Variants in SLC4A4 observed in about 807,000 individuals in gnomAD.
SLC4A4 encodes the protein electrogenic sodium bicarbonate cotransporter 1.
SLC4A4 carries 27 observed loss-of-function variants against 111.5 expected under a neutral mutation model. That is an observed-to-expected ratio of 0.24 (90% CI 0.18 to 0.33). The LOEUF (loss-of-function observed/expected upper bound fraction) is 0.33, where lower values mean the gene tolerates loss of function less well. Ranked by LOEUF, SLC4A4 falls within the 10% of genes least tolerant of loss-of-function variation. The pLI, the probability that SLC4A4 is intolerant of heterozygous loss-of-function variation, is 1.00. For missense variants in SLC4A4, 909 were observed against 1,315.5 expected, an observed-to-expected ratio of 0.69 and a Z score of 4.78; for synonymous variants, 443 against 463.4, an observed-to-expected ratio of 0.96 and a Z score of 0.57.
At chr4:71,127,268 A>G (rs984319962) in intron 2 of SLC4A4, among the ~76,000 whole-genome samples, 3 of 151,998 alleles carry the variant, frequency 2.0e-5, no homozygotes, top group Non-Finnish European at 4.4e-5. Context: ...TGCCCATGCT[A>G]GCGAGGGGTC....
At chr4:71,117,168 G>T (rs1206313579) in intron 2 of SLC4A4, among the ~76,000 whole-genome samples, 1 of 152,042 alleles carries the variant, frequency 6.6e-6, no homozygotes, top group Non-Finnish European at 1.5e-5. Flanking sequence ...TTAATTTAGG[G>T]AAAGAATTTT....
At chr4:71,458,332 T>C (rs1726487478) in intron 12 of SLC4A4, among the ~76,000 whole-genome samples, 1 of 152,100 alleles carries the variant, frequency 6.6e-6, no homozygotes, top group African/African-American at 2.4e-5. Context: ...TGAAAAGTCT[T>C]ATATTATTTA....
At chr4:71,112,824 A>T (rs1743131510) in intron 2 of SLC4A4, among the ~76,000 whole-genome samples, 1 of 152,184 alleles carries the variant, frequency 6.6e-6, no homozygotes, top group South Asian at 2.1e-4. Flanking sequence ...TGCGTTAGGT[A>T]ATTTGAAGGG....
chr4:71,096,708 A>T (rs1742567202), intron 2 of SLC4A4, among the ~76,000 whole-genome samples: 1 of 152,136 alleles, frequency 6.6e-6, no homozygotes, highest in African/African-American at 2.4e-5. Flanking sequence ...TTATTTTTCT[A>T]AGTTTGATAT....
chr4:71,303,850 A>G (rs1052322273), intron 3 of SLC4A4, among the ~76,000 whole-genome samples: 2 of 151,406 alleles, frequency 1.3e-5, no homozygotes, highest in African/African-American at 4.9e-5. Context: ...AGTACTTGCA[A>G]TAAAAACACT....
rs766350949 is a variant in SLC4A4 at position 71,534,323 on chromosome 4, A to G, written c.2377A>G (p.Ile793Val). Residue 793 changes from isoleucine to valine, a missense_variant, in exon 18 of 26, where the codon ATA (isoleucine) becomes GTA (valine). Transcript: ENST00000264485. Reference protein sequence around the residue: ...AAAIPALLVTILIFMDQQITA... With the variant: ...AAAIPALLVTVLIFMDQQITA... ...TGCTATCCCGGCTTTGTTGGTCACT[A>G]TACTGATTTTCATGGACCAACAAAT... 4 of 1,613,616 alleles carry G rather than the reference A, an allele frequency of 2.5e-6. No individual in the cohort carries two copies. The highest frequency in any genetic ancestry group is 2.5e-6 in the Non-Finnish European group (3 of 1,179,694).
At chr4:71,246,492 T>G (rs1180765973) in intron 2 of SLC4A4, among the ~76,000 whole-genome samples, 1 of 152,096 alleles carries the variant, frequency 6.6e-6, no homozygotes, top group Non-Finnish European at 1.5e-5. Context: ...TGAAAGAGCT[T>G]ACAGAGAGGT....
At chr4:71,487,082 A>G in intron 15 of SLC4A4, 64 bp downstream of exon 15, 2 of 954,048 alleles carry the variant, frequency 2.1e-6, no homozygotes, top group East Asian at 2.5e-5. Context: ...TGTTTATAAT[A>G]CTTATAATAT....
intron 12 of SLC4A4, among the ~76,000 whole-genome samples, chr4:71,463,403 CA>C (rs1310970181): frequency 1.3e-5 from 2 of 152,114 alleles, no homozygotes; most frequent in Non-Finnish European, 2.9e-5. Flanking sequence ...TTATTCATTA[CA>C]TGTTATTTTT....
chr4:71,071,697 A>G (rs192602494), intron 1 of SLC4A4, among the ~76,000 whole-genome samples: 114 of 152,204 alleles, frequency 7.5e-4, no homozygotes, highest in Non-Finnish European at 1.5e-3. Flanking sequence ...TAAGTTCCCT[A>G]TTTCTTCATT....
Position 71,440,638 on chromosome 4 carries a change from A to G in SLC4A4, c.830A>G (p.Lys277Arg). The G allele has an allele frequency of 6.2e-7, 1 of 1,614,116 alleles. No homozygotes were observed. The highest frequency in any genetic ancestry group is 1.1e-5 in the South Asian group (1 of 91,074). ...CAGCTGAAGAATAAGTTCATGAAAA[A>G]ATTGCCACGTGATGCAGAAGCTTCC... ...KDQLKNKFMK[K>R]LPRDAEASNV... Residue 277 changes from lysine (K) to arginine (R), a missense_variant, in exon 8 of 26, where the codon AAA becomes AGA. Transcript: ENST00000264485.
intron 3 of SLC4A4, among the ~76,000 whole-genome samples, chr4:71,256,169 C>G (rs1721436962): frequency 6.6e-6 from 1 of 152,126 alleles, no homozygotes; most frequent in Non-Finnish European, 1.5e-5. Context: ...TTGGAAGATT[C>G]CCCAACAGGA....
intron 16 of SLC4A4, among the ~76,000 whole-genome samples, chr4:71,515,606 G>A (rs867193414): frequency 9.9e-5 from 15 of 152,146 alleles, no homozygotes; most frequent in Middle Eastern, 3.4e-3. Context: ...ATTGCATTCC[G>A]TCTTTTCAGG....
chr4:71,475,560 A>G (rs1404747417), intron 14 of SLC4A4, among the ~76,000 whole-genome samples: 1 of 151,878 alleles, frequency 6.6e-6, no homozygotes, highest in African/African-American at 2.4e-5. Flanking sequence ...AGTTGTCCAG[A>G]AGGACTCTGA....
At position 71,424,849 on chromosome 4, in the gene SLC4A4, C is replaced by T. The variant is rs138672603; in HGVS notation, c.808-15767C>T. On this transcript the variant is annotated intron_variant, in intron 7 of 25. Coordinates refer to ENST00000264485, the MANE Select transcript of SLC4A4 (RefSeq NM_001098484.3). ...CACTGTGGGGACTGTTGTGGAGTGG[C>T]GGGGGAGGGAGGGATAGCATTGGGA... is the stretch of plus-strand genomic sequence containing the variant. Among the ~76,000 whole-genome samples, 222 of 151,232 alleles carry T rather than the reference C, an allele frequency of 1.5e-3. 1 individual carries two copies. The highest frequency in any genetic ancestry group is 5.2e-3 in the African/African-American group (213 of 41,208).
chr4:71,566,143 C>G (rs929011037), intron 24 of SLC4A4, among the ~76,000 whole-genome samples: 1 of 151,838 alleles, frequency 6.6e-6, no homozygotes, highest in South Asian at 2.1e-4. Flanking sequence ...AGCAGTCTTA[C>G]CTTTGGTGTC....
At chr4:71,272,440 G>A (rs1947377) in intron 3 of SLC4A4, among the ~76,000 whole-genome samples, 14,127 of 152,164 alleles carry the variant, frequency 0.093, 2,098 homozygotes, top group African/African-American at 0.31. Flanking sequence ...TCTCAGTGGC[G>A]GGATTCAGAC....
At chr4:71,277,596 C>CTT in intron 3 of SLC4A4, among the ~76,000 whole-genome samples, 2 of 144,098 alleles carry the variant, frequency 1.4e-5, no homozygotes, top group East Asian at 4.3e-4. Context: ...TTCTTTCTTT[C>CTT]TCTCTCTCTC....
intron 3 of SLC4A4, among the ~76,000 whole-genome samples, chr4:71,307,894 T>A (rs1382239721): frequency 6.6e-6 from 1 of 152,136 alleles, no homozygotes; most frequent in Non-Finnish European, 1.5e-5. Flanking sequence ...CATAACTTGA[T>A]AGGTGTGGAA....
Sources: gnomAD v4.1 joint callset for allele counts (sites outside exome capture counted in the v4.1 genomes callset) on GRCh38, gnomAD v4.1.1 for gene constraint, MANE v1.5 for transcripts, NCBI Gene and HGNC (gene_info 2026-07-23, HGNC 2026-07-21) for gene names.